Variants in DENND5A observed in about 807,000 individuals in gnomAD.
DENND5A encodes DENN domain-containing protein 5A.
Under a neutral mutation model 140.3 loss-of-function variants are expected in DENND5A, and 64 were observed. The ratio of observed to expected loss-of-function variants is 0.46; its 90% CI spans 0.37 to 0.56. The LOEUF (loss-of-function observed/expected upper bound fraction) is 0.56. Among genes scored for constraint, DENND5A ranks in the 20% least tolerant of loss-of-function variants. DENND5A has a pLI of 0.00. For missense variants in DENND5A, 1,292 were observed against 1,593.8 expected (o/e 0.81, Z 3.22); for synonymous variants, 605 against 607.7 (o/e 1.00, Z 0.07).
At chr11:9,154,864 G>A (rs1847751603) in intron 12 of DENND5A, among the ~76,000 whole-genome samples, 1 of 151,462 alleles carries the variant, frequency 6.6e-6, no homozygotes, top group Non-Finnish European at 1.5e-5. Context: ...AAAAAAAGAA[G>A]GTTGACTGGG....
At chr11:9,229,678 C>T (rs1261618082) in intron 1 of DENND5A, among the ~76,000 whole-genome samples, 4 of 152,130 alleles carry the variant, frequency 2.6e-5, no homozygotes, top group Non-Finnish European at 5.9e-5. Context: ...GGGTCCTGCC[C>T]TATACCCAGG....
intron 18 of DENND5A, 147 bp from the exon 19 acceptor site, chr11:9,144,425 T>A (rs182646867): frequency 3.8e-5 from 31 of 806,830 alleles, no homozygotes; most frequent in Non-Finnish European, 5.9e-5. Flanking sequence ...CCATGTATCA[T>A]CAGAGAATCA....
intron 1 of DENND5A, among the ~76,000 whole-genome samples, chr11:9,245,696 C>T (rs1042291236): frequency 1.3e-5 from 2 of 151,994 alleles, no homozygotes; most frequent in Admixed American, 1.3e-4. Context: ...TGCAGTGGCA[C>T]GATCTTGGCT....
At chr11:9,210,542 T>TTTG (rs3074631) in intron 1 of DENND5A, among the ~76,000 whole-genome samples, 2,484 of 152,162 alleles carry the variant, frequency 0.016, 62 homozygotes, top group African/African-American at 0.056. Flanking sequence ...TAAATCGACA[T>TTTG]TTGTTGTTGT....
intron 1 of DENND5A, among the ~76,000 whole-genome samples, chr11:9,259,908 G>T (rs1477849555): frequency 6.6e-6 from 1 of 151,324 alleles, no homozygotes; most frequent in African/African-American, 2.4e-5. Flanking sequence ...GCACACCTGT[G>T]GTCCCAGCTA....
chr11:9,231,759 C>T (rs1199082014), intron 1 of DENND5A, among the ~76,000 whole-genome samples: 2 of 148,392 alleles, frequency 1.3e-5, no homozygotes, highest in Non-Finnish European at 3.0e-5. Context: ...TGTTAGTTTA[C>T]CCTCAGTAAC....
chr11:9,170,220 A>G (rs1156478825), intron 9 of DENND5A: 21 of 941,070 alleles, frequency 2.2e-5, no homozygotes, highest in Non-Finnish European at 2.7e-5. Flanking sequence ...ACTTAACTCT[A>G]TCTGGGCTTT....
chr11:9,207,478 A>C, intron 2 of DENND5A, 83 bp downstream of exon 2: 2 of 1,053,618 alleles, frequency 1.9e-6, no homozygotes, highest in Non-Finnish European at 2.9e-6. Context: ...TTAGAAGGTC[A>C]AAGGTTACAA....
At chr11:9,151,663 T>C (rs536115752) in intron 13 of DENND5A, among the ~76,000 whole-genome samples, 1 of 152,288 alleles carries the variant, frequency 6.6e-6, no homozygotes, top group East Asian at 1.9e-4. Context: ...GAAGGGGAGA[T>C]GCACCCAAGA....
chr11:9,146,902 G>T, intron 16 of DENND5A, 128 bp downstream of exon 16: 1 of 1,125,808 alleles, frequency 8.9e-7, no homozygotes, highest in Non-Finnish European at 1.3e-6. Flanking sequence ...TCTCCCCACA[G>T]AGGCAAAAGA....
chr11:9,192,606 T>C (rs1849170528), intron 5 of DENND5A, among the ~76,000 whole-genome samples: 1 of 145,794 alleles, frequency 6.9e-6, no homozygotes, highest in Non-Finnish European at 1.5e-5. Flanking sequence ...CCAGCCTGGG[T>C]GACAGTGCGA....
chr11:9,150,612 A>G, intron 14 of DENND5A, 68 bp downstream of exon 14: 1 of 1,118,544 alleles, frequency 8.9e-7, no homozygotes, highest in East Asian at 2.4e-5. Flanking sequence ...TTGTTACTAA[A>G]AGTGGACACC....
chr11:9,153,344 CAAAAAAAAAAAAAAA>C (rs59736475), intron 12 of DENND5A, among the ~76,000 whole-genome samples: 2 of 27,028 alleles, frequency 7.4e-5, no homozygotes, highest in Non-Finnish European at 1.4e-4. Flanking sequence ...GGCTCCCTCT[CAAAAAAAAAAAAAAA>C]AAAAAAAAAA....
intron 11 of DENND5A, among the ~76,000 whole-genome samples, chr11:9,164,948 G>A (rs966255262): frequency 9.2e-5 from 14 of 152,208 alleles, no homozygotes; most frequent in African/African-American, 3.4e-4. Flanking sequence ...AATATAGTGA[G>A]ATCCTGTCTT....
At chr11:9,201,418 T>C (rs1849519600) in intron 4 of DENND5A, among the ~76,000 whole-genome samples, 1 of 151,226 alleles carries the variant, frequency 6.6e-6, no homozygotes, top group African/African-American at 2.4e-5. Context: ...CAGTGGCGCC[T>C]GTAATCCCAG....
At chr11:9,208,811 T>A (rs1167620639) in intron 1 of DENND5A, among the ~76,000 whole-genome samples, 1 of 114,292 alleles carries the variant, frequency 8.7e-6, no homozygotes, top group African/African-American at 3.6e-5. Context: ...CAAAATACAT[T>A]TGGTAATCTT....
chr11:9,139,996 A>G, intron 22 of DENND5A, 142 bp from the exon 23 acceptor site: 1 of 1,006,792 alleles, frequency 9.9e-7, no homozygotes, highest in Admixed American at 2.4e-5. Flanking sequence ...CCTTTCCCAA[A>G]CAGGGACTGG....
At chr11:9,250,396 A>G (rs930600978) in intron 1 of DENND5A, among the ~76,000 whole-genome samples, 2 of 152,208 alleles carry the variant, frequency 1.3e-5, no homozygotes, top group African/African-American at 4.8e-5. Flanking sequence ...CACAATTCTG[A>G]AAACAAGCAA....
Position 9,179,065 on chromosome 11 carries a change from C to T in DENND5A, c.1464G>A (p.Val488=). The change falls in exon 7 of 23, where the codon GTG becomes GTA. Residue 488 remains valine (V), a synonymous_variant. Coordinates refer to ENST00000328194, the MANE Select transcript of DENND5A (RefSeq NM_015213.4). ...RTGVSLEKLE[V]REDPSSNKDL... ...CCTTATTGCTGCTGGGGTCTTCACG[C>T]ACTTCCAACTACAAAAAAAGAAAAA... The T allele has an allele frequency of 6.2e-7, 1 of 1,613,936 alleles. No homozygotes were observed. The highest frequency in any genetic ancestry group is 8.5e-7 in the Non-Finnish European group (1 of 1,179,870).
Sources: allele counts gnomAD v4.1 joint callset (sites outside exome capture counted in the v4.1 genomes callset), GRCh38; gene constraint gnomAD v4.1.1; transcripts MANE v1.5; gene names NCBI Gene and HGNC (gene_info 2026-07-23, HGNC 2026-07-21).